Variants in CACNA1H observed in about 807,000 individuals in gnomAD.
The protein encoded by CACNA1H is calcium voltage-gated channel subunit alpha1 H.
Under a neutral mutation model 192.5 loss-of-function variants are expected in CACNA1H, and 149 were observed. The observed-to-expected ratio is 0.77, with a 90% CI of 0.68 to 0.89. The LOEUF (loss-of-function observed/expected upper bound fraction) is 0.89, where lower values mean the gene tolerates loss of function less well. Ranked by LOEUF, CACNA1H falls within the 40% of genes least tolerant of loss-of-function variation. The pLI is 0.00. For synonymous variants in CACNA1H, 2,202 were observed against 1,475.2 expected, an observed-to-expected ratio of 1.49 and a Z score of -11.29; for missense variants, 4,257 against 3,423.5, an observed-to-expected ratio of 1.24 and a Z score of -6.08.
Position 1,221,733 on chromosome 16 carries a change from G to T in CACNA1H, c.*739G>T. The T allele has an allele frequency of 6.8e-6, 10 of 1,479,888 alleles. No homozygotes were observed. Among genetic ancestry groups the T allele is most frequent in the Non-Finnish European group, 9.1e-6 (10 of 1,097,802 alleles). 91.7% of individuals were successfully genotyped at this position (1,479,888 alleles called of 1,614,324 possible). A position where few individuals can be genotyped will look rare whatever the true frequency, so the allele number is the denominator to read the frequency against. On this transcript the variant is annotated 3_prime_UTR_variant, in exon 35 of 35. Transcript: ENST00000348261. ...CTCAGCTTCTCAAGGGAGAGGGAGG[G>T]GGCGGAGCGGAATAAATAGTAACTT...
rs1167900666 is a variant in CACNA1H, at chr16:1,218,216, C to G, written c.5452C>G (p.Leu1818Val). The G allele has an allele frequency of 8.4e-6, 13 of 1,549,250 alleles. No individual in the cohort carries two copies. Among genetic ancestry groups the G allele is most frequent in the Non-Finnish European group, 1.1e-5 (13 of 1,146,520 alleles). The change falls in exon 33 of 35, where the codon CTG becomes GTG. Residue 1818 changes from leucine (L) to valine (V), a missense_variant. Coordinates refer to ENST00000348261, the MANE Select transcript of CACNA1H (RefSeq NM_021098.3). ...CAGCTGTCCCCCACCGCAGGACACG[C>G]TGCGCGAGTGCTCCCGTGAGGACAA... ...DNWNGIMKDTLRECSREDKHC... is the reference protein window; with the variant it reads ...DNWNGIMKDTVRECSREDKHC...
chr16:1,187,212 A>T (rs1274051422), intron 2 of CACNA1H, among the ~76,000 whole-genome samples: 7 of 152,182 alleles, frequency 4.6e-5, no homozygotes, highest in Non-Finnish European at 2.9e-5. Flanking sequence ...GGAGGGGAGG[A>T]GGCGGCCAGC....
chr16:1,194,821 G>A (rs1596379831), intron 2 of CACNA1H, 151 bp from the exon 3 acceptor site: 3 of 623,824 alleles, frequency 4.8e-6, no homozygotes, highest in South Asian at 3.6e-5. Context: ...CAGGAGGGGC[G>A]GCCGTCGGTC....
intron 3 of CACNA1H, 47 bp downstream of exon 3, chr16:1,195,130 G>A (rs750950104): frequency 8.7e-7 from 1 of 1,145,192 alleles, no homozygotes; most frequent in Non-Finnish European, 1.3e-6. Flanking sequence ...GTCGCTACGA[G>A]GTTTATGGTT....
intron 2 of CACNA1H, among the ~76,000 whole-genome samples, chr16:1,161,814 G>C (rs1471469093): frequency 6.6e-6 from 1 of 152,216 alleles, no homozygotes; most frequent in East Asian, 1.9e-4. Context: ...GTCCCCATCT[G>C]TGAGCAGCAC....
intron 31 of CACNA1H, 130 bp from the exon 32 acceptor site, chr16:1,217,789 G>A (rs1970152162): frequency 1.6e-6 from 2 of 1,262,586 alleles, no homozygotes; most frequent in Admixed American, 2.6e-5. Context: ...GAACCGCCAG[G>A]GCCTCGTCAT....
chr16:1,197,336 G>A (rs995195143), intron 5 of CACNA1H, among the ~76,000 whole-genome samples: 2 of 152,200 alleles, frequency 1.3e-5, no homozygotes, highest in East Asian at 1.9e-4. Flanking sequence ...CCCACTGTAC[G>A]TTCAGTCTGC....
chr16:1,154,995 G>A (rs953999491), intron 2 of CACNA1H, among the ~76,000 whole-genome samples: 6 of 152,176 alleles, frequency 3.9e-5, no homozygotes, highest in African/African-American at 1.2e-4. Flanking sequence ...CCTGGGGACG[G>A]GTGGAGAGAC....
At chr16:1,155,359 G>C (rs907165639) in intron 2 of CACNA1H, among the ~76,000 whole-genome samples, 1 of 152,202 alleles carries the variant, frequency 6.6e-6, no homozygotes, top group African/African-American at 2.4e-5. Context: ...CGAGGTGCAG[G>C]CCCGGCCTTG....
chr16:1,218,628 C>T lies in CACNA1H; in HGVS notation c.5864C>T (p.Thr1955Ile), dbSNP rs766939282. ...CCGCTGCAGGAGGTGGAGATGGAGA[C>T]CTATGGGGCCGGCACCCCCTTGGGT... Reference protein sequence around the residue: ...PRPLQEVEMETYGAGTPLGSV... With the variant: ...PRPLQEVEMEIYGAGTPLGSV... Residue 1955 changes from threonine to isoleucine, a missense_variant, in exon 33 of 35, where the codon ACC becomes ATC. Thr to Ile is a moderately conservative substitution (Grantham distance 89). Coordinates refer to ENST00000348261, the MANE Select transcript of CACNA1H (RefSeq NM_021098.3). 29 of 1,554,114 alleles carry T rather than the reference C, an allele frequency of 1.9e-5. No homozygotes were observed. Among genetic ancestry groups the T allele is most frequent in the Non-Finnish European group, 2.5e-5 (29 of 1,147,980 alleles).
intron 31 of CACNA1H, among the ~76,000 whole-genome samples, chr16:1,217,549 C>G (rs1393883395): frequency 6.6e-6 from 1 of 152,222 alleles, no homozygotes. Flanking sequence ...GGCCCTGTCC[C>G]GACGGTGGGT....
At chr16:1,164,943 T>A (rs993940813) in intron 2 of CACNA1H, among the ~76,000 whole-genome samples, 3 of 152,056 alleles carry the variant, frequency 2.0e-5, no homozygotes, top group African/African-American at 7.2e-5. Context: ...ATGTGTGTTT[T>A]CTCCTTGGGT....
In CACNA1H at chr16:1,202,398, A is replaced by G. The variant is rs1266834457; in HGVS notation, c.1948A>G (p.Ser650Gly). 6.5e-7 allele frequency: 1 copy of G among 1,542,692 alleles called. No individual in the cohort carries two copies. The highest frequency in any genetic ancestry group is 2.4e-5 in the East Asian group (1 of 40,944). Residue 650 changes from serine to glycine, a missense_variant, in exon 9 of 35, where the codon AGC becomes GGC. By Grantham distance (56) the Ser-to-Gly change is moderately conservative. Coordinates refer to ENST00000348261, the MANE Select transcript of CACNA1H (RefSeq NM_021098.3). The stretch of plus-strand genomic sequence containing the variant: ...AGGCACCGGGGGGCACGGCCCGTTG[A>G]GCTTGAACAGCCCTGATCCCTACGA... ...PPGTGGHGPLSLNSPDPYEKI... is the reference protein window; with the variant it reads ...PPGTGGHGPLGLNSPDPYEKI...
intron 2 of CACNA1H, among the ~76,000 whole-genome samples, chr16:1,181,640 C>T (rs867485074): frequency 2.2e-4 from 33 of 152,240 alleles, no homozygotes; most frequent in Admixed American, 2.0e-4. Flanking sequence ...TATATTAGGT[C>T]TCTTTCTAAT....
intron 2 of CACNA1H, among the ~76,000 whole-genome samples, chr16:1,154,497 C>G (rs1028722018): frequency 6.6e-6 from 1 of 152,170 alleles, no homozygotes; most frequent in African/African-American, 2.4e-5. Flanking sequence ...AAGTTTTCAG[C>G]CGGCGCCTGG....
Position 1,211,217 on chromosome 16 carries a change from T to A in CACNA1H, c.4273T>A (p.Ser1425Thr). The A allele has an allele frequency of 6.2e-7, 1 of 1,612,996 alleles. No homozygotes were observed. ...CAAGCTGGTGGTGGAGACGCTGATA[T>A]CATCACTCAGGCCCATTGGGAACAT... ...GLKLVVETLI[S>T]SLRPIGNIVL... is the part of the protein sequence containing the mutation. Residue 1425 changes from serine to threonine, a missense_variant, in exon 22 of 35, where the codon TCA becomes ACA. Transcript: ENST00000348261.
chr16:1,218,501 A>G lies in CACNA1H; in HGVS notation c.5737A>G (p.Asn1913Asp). Residue 1913 changes from asparagine to aspartate, a missense_variant, in exon 33 of 35, where the codon AAC (asparagine) becomes GAC (aspartate). Asn to Asp is a conservative substitution (Grantham distance 23, BLOSUM62 1). Coordinates refer to ENST00000348261, the MANE Select transcript of CACNA1H (RefSeq NM_021098.3). ...GAGTCCGGGCGCCAGGGACGCCCCA[A>G]ACCTGGTTGCACGCAAGGTGTCCGT... ...QESPGARDAP[N>D]LVARKVSVSR... 6.4e-7 allele frequency: 1 copy of G among 1,552,930 alleles called. No individual in the cohort carries two copies. The highest frequency in any genetic ancestry group is 8.7e-7 in the Non-Finnish European group (1 of 1,148,540).
intron 2 of CACNA1H, among the ~76,000 whole-genome samples, chr16:1,178,299 C>A (rs1213986676): frequency 1.4e-5 from 2 of 144,788 alleles, no homozygotes; most frequent in African/African-American, 5.2e-5. Flanking sequence ...TCTGGACCCT[C>A]CCCCACGGCC....
intron 2 of CACNA1H, among the ~76,000 whole-genome samples, chr16:1,181,695 C>A (rs1420841864): frequency 6.6e-6 from 1 of 152,230 alleles, no homozygotes; most frequent in Non-Finnish European, 1.5e-5. Context: ...GAGCTGTCCG[C>A]GTGTGCTCCA....
Sources: gnomAD v4.1 joint callset for allele counts (sites outside exome capture counted in the v4.1 genomes callset) on GRCh38, gnomAD v4.1.1 for gene constraint, MANE v1.5 for transcripts, NCBI Gene and HGNC (gene_info 2026-07-23, HGNC 2026-07-21) for gene names.